The following CLEC16A variants were observed in gnomAD, a reference collection of about 807,000 sequenced individuals.
The protein encoded by CLEC16A is C-type lectin domain containing 16A, also known as protein CLEC16A.
CLEC16A carries 51 observed loss-of-function variants against 109.5 expected under a neutral mutation model. That is an observed-to-expected ratio of 0.47 (90% CI 0.37 to 0.59). The LOEUF is 0.59. CLEC16A is among the 20% of genes least tolerant of loss of function. The pLI is 0.00. For missense variants in CLEC16A, 1,339 were observed against 1,394.0 expected (o/e 0.96, Z 0.63); for synonymous variants, 673 against 564.2 (o/e 1.19, Z -2.73).
intron 22 of CLEC16A, among the ~76,000 whole-genome samples, chr16:11,140,105 C>G (rs1168157956): frequency 6.6e-6 from 1 of 152,214 alleles, no homozygotes; most frequent in East Asian, 1.9e-4. Flanking sequence ...TATCTCTTGT[C>G]CTTTGTTCTT....
chr16:11,002,594 CA>C (rs1406083012), intron 10 of CLEC16A, among the ~76,000 whole-genome samples: 3 of 152,162 alleles, frequency 2.0e-5, no homozygotes, highest in Non-Finnish European at 2.9e-5. Context: ...TTGCATCCAT[CA>C]CTGGAGTAAT....
intron 19 of CLEC16A, among the ~76,000 whole-genome samples, chr16:11,111,376 A>G (rs2051574175): frequency 6.6e-6 from 1 of 152,072 alleles, no homozygotes; most frequent in Admixed American, 6.6e-5. Context: ...CTCCATGGCT[A>G]CTTGGGCTTC....
chr16:11,124,543 C>T (rs867634653), intron 21 of CLEC16A, among the ~76,000 whole-genome samples: 16 of 152,256 alleles, frequency 1.1e-4, no homozygotes, highest in Middle Eastern at 6.8e-3. Flanking sequence ...CCAACACTGC[C>T]CAGTATTAGG....
chr16:11,023,037 A>AGC (rs2046209892), intron 12 of CLEC16A, among the ~76,000 whole-genome samples: 1 of 150,306 alleles, frequency 6.7e-6, no homozygotes, highest in African/African-American at 2.4e-5. Flanking sequence ...AAGGGGGAAA[A>AGC]AGTCTTCACT....
intron 17 of CLEC16A, 54 bp downstream of exon 17, chr16:11,047,396 A>C (rs1209899183): frequency 2.8e-6 from 4 of 1,430,246 alleles, no homozygotes; most frequent in Admixed American, 2.3e-5. Flanking sequence ...GTCCCTGCCA[A>C]GCTCCCCCTG....
rs1317898473 is a variant in CLEC16A at position 11,174,265 on chromosome 16, A to G, written c.2807-4070A>G. 2 of 464,418 alleles carry G rather than the reference A, an allele frequency of 4.3e-6. No individual in the cohort carries two copies. Among genetic ancestry groups the G allele is most frequent in the East Asian group, 1.4e-4 (2 of 14,368 alleles). The allele number at this position is 464,418 out of a possible 1,614,324, so 28.8% of individuals were successfully genotyped here. On this transcript the variant is annotated intron_variant, in intron 23 of 23. Coordinates refer to ENST00000409790, the MANE Select transcript of CLEC16A (RefSeq NM_015226.3). The surrounding 1 kb of genome is among the most constrained non-coding windows in gnomAD (Gnocchi z 4.7). ...CGGCAGCTGCCACGGCACCTCACGCACAGTCAATTCAGGCAGGTCTCCCCT... is the reference window on the plus strand; with the variant it reads ...CGGCAGCTGCCACGGCACCTCACGCGCAGTCAATTCAGGCAGGTCTCCCCT...
intron 1 of CLEC16A, among the ~76,000 whole-genome samples, chr16:10,957,187 T>C (rs937017551): frequency 6.6e-6 from 1 of 152,214 alleles, no homozygotes; most frequent in East Asian, 1.9e-4. Flanking sequence ...ATTTGAGCCA[T>C]AAGTTCTGAT....
At chr16:10,987,835 C>A (rs2043766810) in intron 10 of CLEC16A, among the ~76,000 whole-genome samples, 1 of 152,188 alleles carries the variant, frequency 6.6e-6, no homozygotes, top group Non-Finnish European at 1.5e-5. Flanking sequence ...CCTACTTTCT[C>A]CTTCCCGTAA....
intron 18 of CLEC16A, among the ~76,000 whole-genome samples, chr16:11,059,268 G>A (rs541531060): frequency 9.1e-4 from 138 of 152,306 alleles, no homozygotes; most frequent in African/African-American, 3.1e-3. Flanking sequence ...TGTTAGAGAT[G>A]TCTTTATGAA....
At chr16:11,019,318 T>C (rs1236073166) in intron 11 of CLEC16A, among the ~76,000 whole-genome samples, 2 of 152,100 alleles carry the variant, frequency 1.3e-5, no homozygotes, top group African/African-American at 4.8e-5. Context: ...TTCTGAAAAA[T>C]AAAAATGCAC....
intron 11 of CLEC16A, among the ~76,000 whole-genome samples, chr16:11,018,883 C>G (rs115287440): frequency 6.6e-6 from 1 of 151,976 alleles, no homozygotes; most frequent in Non-Finnish European, 1.5e-5. Flanking sequence ...GGGGCCAGGC[C>G]GTGTGTTTGG....
intron 8 of CLEC16A, among the ~76,000 whole-genome samples, chr16:10,979,027 G>A (rs1381542697): frequency 1.3e-5 from 2 of 152,156 alleles, no homozygotes; most frequent in African/African-American, 4.8e-5. Context: ...CAGTGCCCCA[G>A]CTGGTACAAA....
intron 22 of CLEC16A, among the ~76,000 whole-genome samples, chr16:11,154,715 A>G (rs577538451): frequency 1.2e-4 from 18 of 151,406 alleles, no homozygotes; most frequent in Non-Finnish European, 2.4e-4. Context: ...ACCTGAGGTC[A>G]GGAGTTCGAG....
chr16:10,972,363 A>G (rs1251567283), intron 5 of CLEC16A, 191 bp from the exon 6 acceptor site: 23 of 590,760 alleles, frequency 3.9e-5, no homozygotes, highest in Non-Finnish European at 6.1e-6. Flanking sequence ...GGTCCAAGCC[A>G]CAGTTGGTTC....
At chr16:11,082,874 C>A (rs1056387409) in intron 19 of CLEC16A, among the ~76,000 whole-genome samples, 1 of 152,146 alleles carries the variant, frequency 6.6e-6, no homozygotes, top group African/African-American at 2.4e-5. Flanking sequence ...ATTGTGGGAG[C>A]CCAGCTGTGC....
chr16:10,978,115 A>G (rs960479471), intron 8 of CLEC16A, among the ~76,000 whole-genome samples: 5 of 152,192 alleles, frequency 3.3e-5, no homozygotes, highest in African/African-American at 9.7e-5. Context: ...GATGGAGCAC[A>G]CTCAGGGAAC....
At chr16:11,149,395 A>C (rs952380638) in intron 22 of CLEC16A, among the ~76,000 whole-genome samples, 3 of 152,352 alleles carry the variant, frequency 2.0e-5, no homozygotes, top group African/African-American at 7.2e-5. Flanking sequence ...TCAACCCAGA[A>C]GAAAGCATTG....
chr16:11,035,750 C>T (rs995033988), intron 13 of CLEC16A, among the ~76,000 whole-genome samples: 1 of 152,228 alleles, frequency 6.6e-6, no homozygotes, highest in Non-Finnish European at 1.5e-5. Context: ...TAGCAGAATC[C>T]TCTCCTCCTT....
chr16:10,963,203 C>T (rs2042338499), intron 3 of CLEC16A, among the ~76,000 whole-genome samples: 2 of 152,168 alleles, frequency 1.3e-5, no homozygotes, highest in African/African-American at 2.4e-5. Context: ...TGAGAGAGTG[C>T]TAGCTGGTGT....
Sources: allele counts gnomAD v4.1 joint callset (sites outside exome capture counted in the v4.1 genomes callset), GRCh38; gene constraint gnomAD v4.1.1; non-coding constraint Gnocchi (gnomAD v3.1); transcripts MANE v1.5; gene names NCBI Gene and HGNC (gene_info 2026-07-23, HGNC 2026-07-21).